The following DNAH7 variants were observed in gnomAD, a reference collection of about 807,000 sequenced individuals.
The protein encoded by DNAH7 is dynein axonemal heavy chain 7.
A neutral mutation model predicts 444.6 loss-of-function variants in DNAH7; 397 were observed. That is an observed-to-expected ratio of 0.89 (90% CI 0.82 to 0.97). The LOEUF (loss-of-function observed/expected upper bound fraction) is 0.97, where lower values mean the gene tolerates loss of function less well. DNAH7 is among the 50% of genes least tolerant of loss of function. DNAH7 has a pLI of 0.00. For missense variants in DNAH7, 4,902 were observed against 4,800.8 expected (o/e 1.02, Z -0.62); for synonymous variants, 1,636 against 1,624.4 (o/e 1.01, Z -0.17).
In DNAH7 at chr2:195,789,745, T is replaced by G. The variant is rs1695789826; in HGVS notation, c.10717-2574A>C. ...ATATCTTGGCTAAGAATGAATCACC[T>G]GAATCTAATCATGAGAAAACATTAA... On this transcript the variant is annotated intron_variant, in intron 57 of 64. Transcript: ENST00000312428. Among the ~76,000 whole-genome samples the G allele has an allele frequency of 2.0e-5, 3 of 151,772 alleles. No homozygotes were observed. In the South Asian group the frequency reaches 6.3e-4, roughly 32 times the overall value.
At chr2:195,932,282 T>A (rs1688752292) in intron 21 of DNAH7, among the ~76,000 whole-genome samples, 1 of 152,176 alleles carries the variant, frequency 6.6e-6, no homozygotes, top group Admixed American at 6.5e-5. Flanking sequence ...ATCCTGAGAC[T>A]TTTCTGAAGT....
At chr2:195,827,141 A>G (rs2124927419) in intron 48 of DNAH7, among the ~76,000 whole-genome samples, 1 of 152,346 alleles carries the variant, frequency 6.6e-6, no homozygotes. Context: ...AGGGGTGCTG[A>G]TACTAAAGAG....
At chr2:195,984,493 G>C in intron 15 of DNAH7, 139 bp downstream of exon 15, 2 of 785,712 alleles carry the variant, frequency 2.5e-6, no homozygotes, top group Non-Finnish European at 4.0e-6. Flanking sequence ...GACTACAGGC[G>C]CATGCCACCA....
intron 52 of DNAH7, 86 bp downstream of exon 52, chr2:195,809,657 CTT>C (rs1696871599): frequency 1.6e-6 from 2 of 1,212,962 alleles, no homozygotes; most frequent in Admixed American, 3.1e-5. Context: ...TATTTACAAT[CTT>C]TTTATATATA....
intron 1 of DNAH7, among the ~76,000 whole-genome samples, chr2:196,064,396 T>C (rs1222140827): frequency 2.0e-5 from 3 of 151,734 alleles, no homozygotes; most frequent in Non-Finnish European, 4.4e-5. Context: ...CCTTCAATTG[T>C]GCTTTTCACT....
Position 195,861,824 on chromosome 2 carries a change from A to C in DNAH7, c.7629T>G (p.Asp2543Glu). Residue 2543 changes from aspartate to glutamate, a missense_variant, in exon 42 of 65, where the codon GAT becomes GAG. By Grantham distance (45) the Asp-to-Glu change is conservative (BLOSUM62 2). Coordinates refer to ENST00000312428, the MANE Select transcript of DNAH7 (RefSeq NM_018897.3). ...MCKSFHTSTI[D>E]LSKSFFVELQ... ...GTTCAACAAAGAAAGATTTGGATAA[A>C]TCTATAGTAGAAGTGTGGAAGCTTT... The C allele has an allele frequency of 6.2e-7, 1 of 1,613,746 alleles. No homozygotes were observed. Among genetic ancestry groups the C allele is most frequent in the African/African-American group, 1.3e-5 (1 of 75,040 alleles).
chr2:196,025,258 T>C (rs1417028039), intron 7 of DNAH7, among the ~76,000 whole-genome samples: 3 of 152,174 alleles, frequency 2.0e-5, no homozygotes, highest in Non-Finnish European at 2.9e-5. Flanking sequence ...AACAGTCTTG[T>C]TATAAAATCA....
chr2:196,022,740 G>A (rs1250122617), intron 8 of DNAH7, among the ~76,000 whole-genome samples: 2 of 152,138 alleles, frequency 1.3e-5, no homozygotes, highest in Non-Finnish European at 2.9e-5. Context: ...TGCTCATGTT[G>A]ATATTTTTAC....
chr2:196,024,318 T>C (rs1695548633), intron 8 of DNAH7, 111 bp downstream of exon 8: 1 of 679,262 alleles, frequency 1.5e-6, no homozygotes, highest in Non-Finnish European at 2.3e-6. Flanking sequence ...TACACACATA[T>C]ACATTTATAT....
chr2:195,863,578 G>A (rs1700144026), intron 41 of DNAH7, among the ~76,000 whole-genome samples: 1 of 152,096 alleles, frequency 6.6e-6, no homozygotes. Flanking sequence ...AACTCCTTTG[G>A]GTTTAGCTAA....
At chr2:196,001,946 T>A in intron 10 of DNAH7, 88 bp from the exon 11 acceptor site, 1 of 1,076,178 alleles carries the variant, frequency 9.3e-7, no homozygotes, top group Non-Finnish European at 1.3e-6. Flanking sequence ...TCTGGACATC[T>A]AAAGGTCTTC....
At chr2:195,813,962 C>CTGTGTG (rs763688723) in intron 51 of DNAH7, among the ~76,000 whole-genome samples, 2 of 152,156 alleles carry the variant, frequency 1.3e-5, no homozygotes, top group Admixed American at 1.3e-4. Context: ...AAAGCAGACA[C>CTGTGTG]TGTGTGATTT....
In DNAH7 at chr2:195,980,083, A is replaced by G. The variant is rs1030706571; in HGVS notation, c.1833+4549T>C. ...ATACAAAAAAAAAAAAAAAAAAAAA[A>G]AAACTAGAGGAGGGGCGATATGGTT... On this transcript the variant is annotated intron_variant, in intron 15 of 64. Transcript: ENST00000312428. Among the ~76,000 whole-genome samples the G allele has an allele frequency of 6.3e-4, 94 of 149,524 alleles. 1 individual carries two copies. Among genetic ancestry groups the G allele is most frequent in the African/African-American group, 2.2e-3 (89 of 40,614 alleles).
chr2:195,824,037 T>C (rs1338700090), intron 49 of DNAH7, among the ~76,000 whole-genome samples: 1 of 152,204 alleles, frequency 6.6e-6, no homozygotes, highest in African/African-American at 2.4e-5. Context: ...AATTTGATTC[T>C]GATGACCTTT....
chr2:195,747,408 C>T (rs934488871), intron 63 of DNAH7, among the ~76,000 whole-genome samples: 22 of 152,098 alleles, frequency 1.4e-4, no homozygotes, highest in Non-Finnish European at 2.2e-4. Flanking sequence ...CTACCAGAGG[C>T]ACAAGGAGGA....
intron 54 of DNAH7, among the ~76,000 whole-genome samples, chr2:195,804,334 A>G (rs1272131656): frequency 6.6e-6 from 1 of 152,202 alleles, no homozygotes; most frequent in African/African-American, 2.4e-5. Flanking sequence ...TCATAATTTC[A>G]CCAATAGAAA....
chr2:195,897,413 A>T (rs1702383085), intron 29 of DNAH7, among the ~76,000 whole-genome samples: 1 of 152,184 alleles, frequency 6.6e-6, no homozygotes, highest in African/African-American at 2.4e-5. Context: ...ATTTATAAGC[A>T]AATATTTTGT....
chr2:195,958,386 T>C (rs900474748), intron 18 of DNAH7, among the ~76,000 whole-genome samples: 2 of 152,208 alleles, frequency 1.3e-5, no homozygotes, highest in African/African-American at 4.8e-5. Flanking sequence ...ATATAATACA[T>C]GTAACATTCA....
chr2:196,041,800 T>C (rs542268637), intron 5 of DNAH7, among the ~76,000 whole-genome samples: 53 of 151,932 alleles, frequency 3.5e-4, no homozygotes, highest in African/African-American at 6.0e-4. Flanking sequence ...AAACTATCCA[T>C]AGACAAGGGA....
Sources: gnomAD v4.1 joint callset for allele counts (sites outside exome capture counted in the v4.1 genomes callset) on GRCh38, gnomAD v4.1.1 for gene constraint, MANE v1.5 for transcripts, NCBI Gene and HGNC (gene_info 2026-07-23, HGNC 2026-07-21) for gene names.